The following MALRD1 variants were observed in gnomAD, a reference collection of about 807,000 sequenced individuals.
The protein encoded by MALRD1 is MAM and LDL-receptor class A domain-containing protein 1.
A neutral mutation model predicts 242.1 loss-of-function variants in MALRD1; 247 were observed. That is an observed-to-expected ratio of 1.02 (90% CI 0.92 to 1.13). MALRD1 has a LOEUF of 1.13. Ranked by LOEUF, MALRD1 falls within the 50% of genes most tolerant of loss-of-function variation. The pLI is 0.00. For missense variants in MALRD1, 2,989 were observed against 2,533.1 expected (o/e 1.18, Z -3.86); for synonymous variants, 995 against 866.6 (o/e 1.15, Z -2.60).
intron 28 of MALRD1, among the ~76,000 whole-genome samples, chr10:19,420,215 A>T (rs966634793): frequency 3.9e-5 from 6 of 152,174 alleles, no homozygotes; most frequent in African/African-American, 1.4e-4. Context: ...GCTCATTTAA[A>T]GAGAATGACG....
intron 36 of MALRD1, among the ~76,000 whole-genome samples, chr10:19,672,676 G>A (rs933568813): frequency 1.3e-5 from 2 of 151,906 alleles, no homozygotes; most frequent in Admixed American, 6.6e-5. Flanking sequence ...TGTCTGCCTC[G>A]GCCTCCCAAA....
intron 32 of MALRD1, among the ~76,000 whole-genome samples, chr10:19,561,441 G>A (rs1835957492): frequency 6.6e-6 from 1 of 152,122 alleles, no homozygotes; most frequent in Non-Finnish European, 1.5e-5. Context: ...AACTATAATA[G>A]TAAATTCATT....
upstream of MALRD1, among the ~76,000 whole-genome samples, chr10:19,047,083 T>C (rs1412156846): frequency 6.6e-6 from 1 of 152,172 alleles, no homozygotes; most frequent in Non-Finnish European, 1.5e-5. Context: ...ATCACTCTAC[T>C]CTAAGACTAG....
At chr10:19,409,344 C>T (rs2130878672) in intron 28 of MALRD1, among the ~76,000 whole-genome samples, 1 of 152,170 alleles carries the variant, frequency 6.6e-6, no homozygotes, top group East Asian at 1.9e-4. Context: ...ACTCTCAGTG[C>T]TTTGGGAAGC....
In MALRD1 at chr10:19,713,051, G is replaced by C. The variant is rs1027061400; in HGVS notation, c.6315-17655G>C. Among the ~76,000 whole-genome samples the C allele has an allele frequency of 6.6e-5, 10 of 151,898 alleles. No individual in the cohort carries two copies. The East Asian group carries it at 1.2e-3, about 18-fold the overall frequency. On this transcript the variant is annotated intron_variant, in intron 38 of 39. Transcript: ENST00000454679. ...CTTAGAAACCAGAAATGAAGGGGGGGGTTCCTCTTTCAGCTTTGGAGGAGA... is the reference window on the plus strand; with the variant it reads ...CTTAGAAACCAGAAATGAAGGGGGGCGTTCCTCTTTCAGCTTTGGAGGAGA...
chr10:19,282,936 G>A (rs1462340319), intron 20 of MALRD1, 83 bp from the exon 21 acceptor site: 4 of 946,504 alleles, frequency 4.2e-6, no homozygotes, highest in Non-Finnish European at 5.7e-6. Context: ...TTAAAAACAA[G>A]AGTAAGAAAG....
At chr10:19,562,845 C>G (rs1162199253) in intron 32 of MALRD1, among the ~76,000 whole-genome samples, 3 of 152,096 alleles carry the variant, frequency 2.0e-5, no homozygotes, top group Non-Finnish European at 4.4e-5. Flanking sequence ...ATTGTGTGCT[C>G]CTCATGAGGA....
At chr10:19,123,639 A>G in intron 6 of MALRD1, 46 bp downstream of exon 6, 1 of 1,085,652 alleles carries the variant, frequency 9.2e-7, no homozygotes, top group Non-Finnish European at 1.2e-6. Flanking sequence ...TATATGCAAT[A>G]TGTGAGACTC....
At chr10:19,591,850 A>G (rs991551877) in intron 33 of MALRD1, among the ~76,000 whole-genome samples, 33 of 152,246 alleles carry the variant, frequency 2.2e-4, no homozygotes, top group African/African-American at 7.2e-4. Flanking sequence ...GTCAAAAGAT[A>G]AAGATAGTAC....
chr10:19,406,073 C>T (rs1421827967), intron 28 of MALRD1, among the ~76,000 whole-genome samples: 2 of 152,092 alleles, frequency 1.3e-5, no homozygotes, highest in African/African-American at 4.8e-5. Context: ...ATCCATAAGC[C>T]ACTTTCTTTA....
intron 12 of MALRD1, among the ~76,000 whole-genome samples, chr10:19,159,768 G>C (rs1207200799): frequency 6.6e-6 from 1 of 152,120 alleles, no homozygotes; most frequent in African/African-American, 2.4e-5. Context: ...ACAGACACGA[G>C]AGCCAATGGA....
At chr10:19,176,350 T>C (rs1482593772) in intron 14 of MALRD1, among the ~76,000 whole-genome samples, 1 of 145,410 alleles carries the variant, frequency 6.9e-6, no homozygotes, top group African/African-American at 2.5e-5. Context: ...TTCGAGAGAG[T>C]GTATATTTCT....
At chr10:19,733,247 A>G (rs1326927007) in intron 39 of MALRD1, among the ~76,000 whole-genome samples, 1 of 152,244 alleles carries the variant, frequency 6.6e-6, no homozygotes, top group Non-Finnish European at 1.5e-5. Context: ...CCACGTGCCC[A>G]TCAGCCAGCT....
At chr10:19,571,147 C>T (rs1836515997) in intron 33 of MALRD1, among the ~76,000 whole-genome samples, 1 of 152,122 alleles carries the variant, frequency 6.6e-6, no homozygotes, top group Non-Finnish European at 1.5e-5. Flanking sequence ...ATAATTAGCT[C>T]TTCTTACTTG....
chr10:19,664,324 G>A (rs1352027031), intron 36 of MALRD1, among the ~76,000 whole-genome samples: 1 of 151,854 alleles, frequency 6.6e-6, no homozygotes, highest in African/African-American at 2.4e-5. Context: ...TACCTTTCTT[G>A]TGACAGTGGT....
chr10:19,314,833 A>T (rs920921399), intron 21 of MALRD1, among the ~76,000 whole-genome samples: 1 of 151,268 alleles, frequency 6.6e-6, no homozygotes, highest in Non-Finnish European at 1.5e-5. Flanking sequence ...TTCTGACCCC[A>T]GTTGTAGACC....
At chr10:19,599,830 T>A (rs1838271239) in intron 34 of MALRD1, among the ~76,000 whole-genome samples, 1 of 152,124 alleles carries the variant, frequency 6.6e-6, no homozygotes, top group Admixed American at 6.6e-5. Flanking sequence ...AAGCGGTTAG[T>A]CCATGCTGAT....
chr10:19,406,819 A>G (rs1298213489), intron 28 of MALRD1, among the ~76,000 whole-genome samples: 3 of 152,142 alleles, frequency 2.0e-5, no homozygotes, highest in African/African-American at 7.2e-5. Flanking sequence ...GCCATACACA[A>G]CTCGCTTATT....
rs76148081 is a variant in MALRD1, at chr10:19,476,117, G to A, written c.5030-15400G>A. Among the ~76,000 whole-genome samples the A allele has an allele frequency of 5.9e-3, 894 of 152,144 alleles. 11 individuals carry two copies. The highest frequency in any genetic ancestry group is 0.023 in the Admixed American group (358 of 15,274). On this transcript the variant is annotated intron_variant, in intron 29 of 39. Transcript: ENST00000454679. Reference sequence around the variant, plus strand: ...GCCAAAGATTGGGGGATGATGGGTCGGAAAAGTGAAGAAACAATTGTGGAA... The same window carrying A: ...GCCAAAGATTGGGGGATGATGGGTCAGAAAAGTGAAGAAACAATTGTGGAA...
Sources: allele counts gnomAD v4.1 joint callset (sites outside exome capture counted in the v4.1 genomes callset), GRCh38; gene constraint gnomAD v4.1.1; transcripts MANE v1.5; gene names NCBI Gene and HGNC (gene_info 2026-07-23, HGNC 2026-07-21).